CACNA2D2: variants seen among roughly 807,000 people sequenced by gnomAD.
CACNA2D2 encodes the protein voltage-dependent calcium channel subunit alpha-2/delta-2.
Under a neutral mutation model 166.4 loss-of-function variants are expected in CACNA2D2, and 48 were observed. That is an observed-to-expected ratio of 0.29 (90% CI 0.23 to 0.37). The LOEUF (loss-of-function observed/expected upper bound fraction) is 0.37, where lower values mean the gene tolerates loss of function less well. Ranked by LOEUF, CACNA2D2 falls within the 10% of genes least tolerant of loss-of-function variation. The probability of loss-of-function intolerance (pLI) is 1.00; values close to 1 mark genes in which losing one functional copy is unlikely to be tolerated. For missense variants in CACNA2D2, 1,122 were observed against 1,433.0 expected, an observed-to-expected ratio of 0.78 and a Z score of 3.50; for synonymous variants, 561 against 573.7, an observed-to-expected ratio of 0.98 and a Z score of 0.32.
At chr3:50,408,668 G>A (rs1384222471) in intron 3 of CACNA2D2, among the ~76,000 whole-genome samples, 1 of 152,132 alleles carries the variant, frequency 6.6e-6, no homozygotes, top group Non-Finnish European at 1.5e-5. Context: ...CGTGGGACAC[G>A]GACTGCCAGG....
At chr3:50,433,541 G>A (rs2106888346) in intron 3 of CACNA2D2, among the ~76,000 whole-genome samples, 2 of 152,210 alleles carry the variant, frequency 1.3e-5, no homozygotes, top group South Asian at 4.2e-4. Context: ...TATTGGATTA[G>A]TTTGTCTTTG....
intron 3 of CACNA2D2, among the ~76,000 whole-genome samples, chr3:50,409,003 C>T (rs1248004137): frequency 6.6e-6 from 1 of 152,238 alleles, no homozygotes; most frequent in Non-Finnish European, 1.5e-5. Context: ...CCCCTGAATC[C>T]CAGCTGGCTT....
chr3:50,378,310 T>C lies in CACNA2D2; in HGVS notation c.1363A>G (p.Ile455Val), dbSNP rs1330620405. Residue 455 changes from isoleucine (I) to valine (V), a missense_variant, in exon 14 of 38, where the codon ATC becomes GTC. Around this residue, in one of 2 missense-constraint regions of CACNA2D2, gnomAD observed 840 missense variants for 1,166.8 expected, o/e 0.72. Transcript: ENST00000424201. ...NKGYYFEIPSIGAIRINTQEY... is the reference protein window; with the variant it reads ...NKGYYFEIPSVGAIRINTQEY... ...TGTGTGTTGATGCGGATGGCTCCGATGGAAGGGATCTCAAAATAGTAGCCT... is the reference window on the plus strand; with the variant it reads ...TGTGTGTTGATGCGGATGGCTCCGACGGAAGGGATCTCAAAATAGTAGCCT... The C allele has an allele frequency of 1.9e-6, 3 of 1,552,198 alleles. No individual in the cohort carries two copies. Among genetic ancestry groups the C allele is most frequent in the Non-Finnish European group, 2.6e-6 (3 of 1,147,480 alleles).
chr3:50,492,812 C>T (rs1304558287), intron 1 of CACNA2D2, among the ~76,000 whole-genome samples: 1 of 151,652 alleles, frequency 6.6e-6, no homozygotes, highest in African/African-American at 2.4e-5. Flanking sequence ...CCTGAAGGTC[C>T]TGTGGCTAGG....
Position 50,414,694 on chromosome 3 carries a change from T to C in CACNA2D2, c.405+19619A>G, listed in dbSNP as rs76734502. On this transcript the variant is annotated intron_variant, in intron 3 of 37. Transcript: ENST00000424201. ...TCTGAAATAATTAGCAATTCTGCTC[T>C]ACAAAACGCTGGCCCGATGGGATAA... Among the ~76,000 whole-genome samples, 202 of 152,376 alleles carry C rather than the reference T, an allele frequency of 1.3e-3. 3 individuals carry two copies. The East Asian group carries it at 0.035, about 27-fold the overall frequency.
chr3:50,449,243 G>A (rs987297844), intron 2 of CACNA2D2, among the ~76,000 whole-genome samples: 1 of 152,170 alleles, frequency 6.6e-6, no homozygotes, highest in African/African-American at 2.4e-5. Flanking sequence ...CCCCACCCCT[G>A]TGATCCAACC....
chr3:50,493,346 G>A (rs892573740), intron 1 of CACNA2D2, among the ~76,000 whole-genome samples: 2 of 152,236 alleles, frequency 1.3e-5, no homozygotes, highest in Non-Finnish European at 2.9e-5. Context: ...GCCAGCCAAT[G>A]AGATGTGAGA....
At chr3:50,456,170 G>A (rs1166018768) in intron 2 of CACNA2D2, among the ~76,000 whole-genome samples, 2 of 152,224 alleles carry the variant, frequency 1.3e-5, no homozygotes, top group Non-Finnish European at 1.5e-5. Context: ...TTTGCCTGAG[G>A]CTAGCAATGG....
chr3:50,364,005 T>A lies in CACNA2D2; in HGVS notation c.*661A>T, dbSNP rs1024052942. 6.6e-6 allele frequency: 1 copy of A among 152,584 alleles called. No homozygotes were observed. Among genetic ancestry groups the A allele is most frequent in the African/African-American group, 2.4e-5 (1 of 41,402 alleles). The allele number at this position is 152,584 out of a possible 1,614,324, so 9.5% of individuals were successfully genotyped here. On this transcript the variant is annotated 3_prime_UTR_variant, in exon 38 of 38. Coordinates refer to ENST00000424201, the MANE Select transcript of CACNA2D2 (RefSeq NM_006030.4). Reference sequence around the variant, plus strand: ...CCCACCCCACCCCATAGTGTGTGTGTTTGTGCGTGTGCCCAGTGGGGTATG... The same window carrying A: ...CCCACCCCACCCCATAGTGTGTGTGATTGTGCGTGTGCCCAGTGGGGTATG...
At chr3:50,443,814 AG>A (rs1249811962) in intron 2 of CACNA2D2, among the ~76,000 whole-genome samples, 1 of 152,146 alleles carries the variant, frequency 6.6e-6, no homozygotes, top group African/African-American at 2.4e-5. Context: ...CTCAGGACTC[AG>A]GGACAGTGGG....
Position 50,374,717 on chromosome 3 carries a change from G to C in CACNA2D2, c.1984+20C>G, listed in dbSNP as rs1344925331. 1.3e-6 allele frequency: 2 copies of C among 1,579,402 alleles called. No homozygotes were observed. The highest frequency in any genetic ancestry group is 1.7e-6 in the Non-Finnish European group (2 of 1,163,014). ...GGCAGAGGCAGGGTGCAGGGCGCAGGCAGGGGCCGGGCCACTTACACTTGA... is the reference window on the plus strand; with the variant it reads ...GGCAGAGGCAGGGTGCAGGGCGCAGCCAGGGGCCGGGCCACTTACACTTGA... On this transcript the variant is annotated intron_variant, in intron 22 of 37. Transcript: ENST00000424201.
At chr3:50,408,485 A>AG (rs1395403454) in intron 3 of CACNA2D2, among the ~76,000 whole-genome samples, 1 of 152,172 alleles carries the variant, frequency 6.6e-6, no homozygotes, top group African/African-American at 2.4e-5. Context: ...GGTGGTGGGC[A>AG]GGGAGGGCAC....
chr3:50,365,328 GC>G lies in CACNA2D2; in HGVS notation c.3098+27del, dbSNP rs1440040212. 1 of 1,610,276 alleles carries G rather than the reference GC, an allele frequency of 6.2e-7. No homozygotes were observed. Among genetic ancestry groups the G allele is most frequent in the Non-Finnish European group, 8.5e-7 (1 of 1,178,538 alleles). ...GCCCCGCTCACAGGTTCCGCCCTTG[GC>G]CTCTGGTCCCGCCCCACTGCCAGCA... On this transcript the variant is annotated intron_variant, in intron 35 of 37. Coordinates refer to ENST00000424201, the MANE Select transcript of CACNA2D2 (RefSeq NM_006030.4). This position sits in a 1 kb window ranked among gnomAD's most constrained non-coding sequence, Gnocchi z 4.5.
Position 50,364,441 on chromosome 3 carries a change from CTT to C in CACNA2D2, c.*223_*224del. 3 of 578,804 alleles carry C rather than the reference CTT, an allele frequency of 5.2e-6. No homozygotes were observed. In the South Asian group the frequency reaches 7.4e-5, roughly 14 times the overall value. 35.9% of individuals were successfully genotyped at this position (578,804 alleles called of 1,614,324 possible). On this transcript the variant is annotated 3_prime_UTR_variant, in exon 38 of 38. Coordinates refer to ENST00000424201, the MANE Select transcript of CACNA2D2 (RefSeq NM_006030.4). ...AGCAGGCAAGAAGGGTCTGGGGACA[CTT>C]GAACAGTTCGGAGGTGAGATGTGAT...
rs189194030 is a variant in CACNA2D2, at chr3:50,385,150, T to C, written c.511-813A>G. 1.8e-3 allele frequency among the ~76,000 whole-genome samples: 274 copies of C among 151,408 alleles called. 1 individual carries two copies. The East Asian group carries it at 0.02, about 11-fold the overall frequency. On this transcript the variant is annotated intron_variant, in intron 5 of 37. Coordinates refer to ENST00000424201, the MANE Select transcript of CACNA2D2 (RefSeq NM_006030.4). Reference sequence around the variant, plus strand: ...TGACTAGTGTTGATGCTGCAGCCGATGGGAGGGGGGCAGGCTTGGGTGCAG... The same window carrying C: ...TGACTAGTGTTGATGCTGCAGCCGACGGGAGGGGGGCAGGCTTGGGTGCAG...
intron 3 of CACNA2D2, among the ~76,000 whole-genome samples, chr3:50,398,884 G>A (rs368337774): frequency 2.6e-5 from 4 of 152,226 alleles, no homozygotes. Flanking sequence ...GCAAGAAAGA[G>A]GAGGACTCGT....
chr3:50,374,758 C>A lies in CACNA2D2; in HGVS notation c.1963G>T (p.Asp655Tyr). 1 of 1,598,182 alleles carries A rather than the reference C, an allele frequency of 6.3e-7. No individual in the cohort carries two copies. Among genetic ancestry groups the A allele is most frequent in the South Asian group, 1.1e-5 (1 of 88,322 alleles). ...TTACACTTGACCTGCAGGATCTGGT[C>A]ACTGAGATTGGCTTGGAGGTAGAAG... Reference protein sequence around the residue: ...STFYLQANLSDQILQVKYFEF... With the variant: ...STFYLQANLSYQILQVKYFEF... Residue 655 changes from aspartate (D) to tyrosine (Y), a missense_variant, in exon 22 of 38, where the codon GAC (aspartate) becomes TAC (tyrosine). Physicochemically the swap from Asp to Tyr is radical, Grantham distance 160 (BLOSUM62 -3). Around this residue, in one of 2 missense-constraint regions of CACNA2D2, gnomAD observed 840 missense variants for 1,166.8 expected, o/e 0.72. Transcript: ENST00000424201.
chr3:50,380,859 G>C lies in CACNA2D2; in HGVS notation c.785-54C>G. ...TGGCAGGAAAGGGCTGGCCTGGGTA[G>C]GCAGACCTTGCAGAGGCGACTGGGC... On this transcript the variant is annotated intron_variant, in intron 7 of 37. Coordinates refer to ENST00000424201, the MANE Select transcript of CACNA2D2 (RefSeq NM_006030.4). This position sits in a 1 kb window ranked among gnomAD's most constrained non-coding sequence, Gnocchi z 4.9. The C allele has an allele frequency of 6.5e-7, 1 of 1,534,406 alleles. No homozygotes were observed. The highest frequency in any genetic ancestry group is 8.8e-7 in the Non-Finnish European group (1 of 1,136,926).
intron 3 of CACNA2D2, chr3:50,419,686 T>C (rs565089748): frequency 2.0e-5 from 3 of 152,330 alleles, no homozygotes; most frequent in African/African-American, 7.2e-5. Flanking sequence ...ATGCAGGATG[T>C]GGCGGAAGCA....
Sources: allele counts gnomAD v4.1 joint callset (sites outside exome capture counted in the v4.1 genomes callset), GRCh38; gene constraint gnomAD v4.1.1; regional missense constraint gnomAD v4.1.1; non-coding constraint Gnocchi (gnomAD v3.1); transcripts MANE v1.5; gene names NCBI Gene and HGNC (gene_info 2026-07-23, HGNC 2026-07-21).